ENOX1: variants seen among roughly 807,000 people sequenced by gnomAD.
The protein encoded by ENOX1 is ecto-NOX disulfide-thiol exchanger 1, also known as candidate growth-related and time keeping constitutive hydroquinone (NADH) oxidase.
A neutral mutation model predicts 82.5 loss-of-function variants in ENOX1; 42 were observed. That is an observed-to-expected ratio of 0.51 (90% confidence interval 0.40 to 0.66). The LOEUF (loss-of-function observed/expected upper bound fraction) is 0.66, where lower values mean the gene tolerates loss of function less well. ENOX1 is among the 30% of genes least tolerant of loss of function. The pLI is 0.00. For missense variants in ENOX1, 608 were observed against 811.6 expected (o/e 0.75, Z 3.05); for synonymous variants, 271 against 282.2 (o/e 0.96, Z 0.40).
chr13:43,294,053 C>T (rs1300016309), intron 12 of ENOX1, among the ~76,000 whole-genome samples: 1 of 152,028 alleles, frequency 6.6e-6, no homozygotes, highest in Non-Finnish European at 1.5e-5. Flanking sequence ...GTTGTCAAGA[C>T]AGTGGACCAG....
chr13:43,443,269 C>T (rs947310754), intron 3 of ENOX1, among the ~76,000 whole-genome samples: 7 of 151,990 alleles, frequency 4.6e-5, no homozygotes, highest in African/African-American at 1.7e-4. Flanking sequence ...AATAAATGAC[C>T]AATGTTCCCA....
chr13:43,751,057 G>A (rs919980334), intron 1 of ENOX1, among the ~76,000 whole-genome samples: 8 of 152,106 alleles, frequency 5.3e-5, no homozygotes, highest in African/African-American at 1.9e-4. Flanking sequence ...TACCTCTCTA[G>A]CTTCATTTAC....
At chr13:43,525,094 T>A (rs1008615093) in intron 2 of ENOX1, among the ~76,000 whole-genome samples, 3 of 152,192 alleles carry the variant, frequency 2.0e-5, no homozygotes, top group South Asian at 2.1e-4. Context: ...TTAAATTTTT[T>A]AAATTGTGGT....
intron 3 of ENOX1, among the ~76,000 whole-genome samples, chr13:43,467,505 T>A (rs1427469149): frequency 2.3e-5 from 3 of 131,170 alleles, no homozygotes; most frequent in Non-Finnish European, 3.4e-5. Flanking sequence ...GGACAAATGT[T>A]ATTTTAAAAT....
At chr13:43,566,819 A>AC (rs1279684876) in intron 2 of ENOX1, among the ~76,000 whole-genome samples, 1 of 152,146 alleles carries the variant, frequency 6.6e-6, no homozygotes, top group African/African-American at 2.4e-5. Context: ...TTAAATGTTC[A>AC]CACATGTGAA....
intron 11 of ENOX1, among the ~76,000 whole-genome samples, 191 bp downstream of exon 11, chr13:43,322,193 G>A (rs966182800): frequency 1.3e-5 from 2 of 152,172 alleles, no homozygotes; most frequent in African/African-American, 2.4e-5. Flanking sequence ...AGAAACAACT[G>A]GAGCAATTTA....
At chr13:43,772,220 A>T (rs1332655078) in intron 1 of ENOX1, among the ~76,000 whole-genome samples, 1 of 152,150 alleles carries the variant, frequency 6.6e-6, no homozygotes, top group African/African-American at 2.4e-5. Flanking sequence ...TGATACTGGC[A>T]TTATTCACAG....
intron 5 of ENOX1, among the ~76,000 whole-genome samples, chr13:43,380,540 G>A (rs1217839249): frequency 6.6e-6 from 1 of 151,570 alleles, no homozygotes; most frequent in Non-Finnish European, 1.5e-5. Context: ...TATTAAGATT[G>A]ATTTTAACCC....
At chr13:43,771,069 G>T (rs979473550) in intron 1 of ENOX1, among the ~76,000 whole-genome samples, 1 of 152,038 alleles carries the variant, frequency 6.6e-6, no homozygotes, top group African/African-American at 2.4e-5. Flanking sequence ...TGCTGAAAAA[G>T]AAACACAGCC....
chr13:43,503,284 G>A (rs1593520727), intron 2 of ENOX1, among the ~76,000 whole-genome samples: 1 of 151,688 alleles, frequency 6.6e-6, no homozygotes, highest in East Asian at 1.9e-4. Context: ...ATTTTGATTT[G>A]AAGAATATCA....
chr13:43,770,584 T>C (rs1951527977), intron 1 of ENOX1, among the ~76,000 whole-genome samples: 1 of 152,070 alleles, frequency 6.6e-6, no homozygotes, highest in Non-Finnish European at 1.5e-5. Flanking sequence ...GAGAGGCCCA[T>C]TACATGTTAT....
chr13:43,334,192 G>C (rs542973026), intron 9 of ENOX1, among the ~76,000 whole-genome samples: 129 of 152,310 alleles, frequency 8.5e-4, no homozygotes, highest in African/African-American at 3.0e-3. Context: ...CCTAAGTTTT[G>C]CAACGACTGT....
At chr13:43,707,198 A>G (rs975596410) in intron 1 of ENOX1, among the ~76,000 whole-genome samples, 4 of 152,212 alleles carry the variant, frequency 2.6e-5, no homozygotes, top group Admixed American at 6.5e-5. Flanking sequence ...AAAAAACATA[A>G]TAACAAATAT....
chr13:43,402,771 C>A (rs532506802), intron 5 of ENOX1, among the ~76,000 whole-genome samples: 11 of 152,300 alleles, frequency 7.2e-5, no homozygotes, highest in African/African-American at 2.6e-4. Flanking sequence ...CATGCATGCA[C>A]ACACATATAT....
chr13:43,392,279 T>A (rs1035454928), intron 5 of ENOX1, among the ~76,000 whole-genome samples: 1 of 152,198 alleles, frequency 6.6e-6, no homozygotes, highest in Non-Finnish European at 1.5e-5. Flanking sequence ...GTCTCCACAA[T>A]CAGAATATGA....
intron 1 of ENOX1, among the ~76,000 whole-genome samples, chr13:43,776,792 C>T (rs1351259332): frequency 6.6e-6 from 1 of 151,918 alleles, no homozygotes; most frequent in Non-Finnish European, 1.5e-5. Flanking sequence ...GACGTGAATT[C>T]CCATTGCCAG....
intron 1 of ENOX1, among the ~76,000 whole-genome samples, chr13:43,685,619 AG>A (rs973530156): frequency 3.9e-5 from 6 of 152,126 alleles, no homozygotes; most frequent in African/African-American, 1.2e-4. Context: ...ATATGGTGAC[AG>A]GTTTTTTTTT....
intron 2 of ENOX1, among the ~76,000 whole-genome samples, chr13:43,618,931 T>C (rs1261229213): frequency 1.3e-5 from 2 of 152,116 alleles, no homozygotes; most frequent in African/African-American, 4.8e-5. Flanking sequence ...GTTTTGTAGT[T>C]TTCCTTGTAG....
Position 43,298,488 on chromosome 13 carries a change from C to CG in ENOX1, c.1303_1304insC (p.Ser435ThrfsTer12). The CG allele has an allele frequency of 6.2e-7, 1 of 1,613,956 alleles. No individual in the cohort carries two copies. Among genetic ancestry groups the CG allele is most frequent in the Middle Eastern group, 1.7e-4 (1 of 5,946 alleles). On this transcript the variant is annotated frameshift_variant, in exon 12 of 17. Transcript: ENST00000690772. LOFTEE classifies it high-confidence loss of function. ...GTAGGCATCCAGCTGCCAGCGGAGA[C>CG]TGTCATTCTCCTCTTTCAGAGCGTA...
Sources: allele counts gnomAD v4.1 joint callset (sites outside exome capture counted in the v4.1 genomes callset), GRCh38; gene constraint gnomAD v4.1.1; transcripts MANE v1.5; gene names NCBI Gene and HGNC (gene_info 2026-07-23, HGNC 2026-07-21).